OR6C75: variants seen among roughly 807,000 people sequenced by gnomAD.
The protein encoded by OR6C75 is olfactory receptor family 6 subfamily C member 75.
For missense variants in OR6C75, 380 were observed against 368.0 expected (o/e 1.03, Z -0.27); for synonymous variants, 149 against 130.6 (o/e 1.14, Z -0.96).
In OR6C75 at chr12:55,365,989, G is replaced by A. The variant is rs1190208318; in HGVS notation, c.879G>A (p.Lys293=). Residue 293 remains lysine, a synonymous_variant, in exon 3 of 3, where the codon AAG becomes AAA. Coordinates refer to ENST00000641576, the MANE Select transcript of OR6C75 (RefSeq NM_001005497.2). ...LNPFIYTLRN[K]QVKQAFKSMV... ...CCTTCATATACACACTGAGAAATAA[G>A]CAAGTGAAGCAAGCCTTCAAGAGCA... 2 of 1,609,024 alleles carry A rather than the reference G, an allele frequency of 1.2e-6. No individual in the cohort carries two copies. The highest frequency in any genetic ancestry group is 2.2e-5 in the East Asian group (1 of 44,794).
Position 55,366,075 on chromosome 12 carries a change from C to T in OR6C75, c.*26C>T. The T allele has an allele frequency of 1.4e-6, 2 of 1,407,944 alleles. No homozygotes were observed. Among genetic ancestry groups the T allele is most frequent in the African/African-American group, 1.4e-5 (1 of 69,578 alleles). 87.2% of individuals were successfully genotyped at this position (1,407,944 alleles called of 1,614,324 possible). A position where few individuals can be genotyped will look rare whatever the true frequency, so the allele number is the denominator to read the frequency against. ...ATGTGATTATGTAAAAAATGTACCC[C>T]CAAAGGCAAAGCTGAATGAAAAACT... On this transcript the variant is annotated 3_prime_UTR_variant, in exon 3 of 3. Transcript: ENST00000641576.
chr12:55,367,011 A>G lies in OR6C75; in HGVS notation c.*962A>G, dbSNP rs1273295564. On this transcript the variant is annotated 3_prime_UTR_variant, in exon 3 of 3. Coordinates refer to ENST00000641576, the MANE Select transcript of OR6C75 (RefSeq NM_001005497.2). ...GAAAATGACAAAGTAAGAGTCTACA[A>G]TGGTGTGATACTGCCCTTTTATAAG... 1.3e-5 allele frequency: 2 copies of G among 152,178 alleles called. No individual in the cohort carries two copies. The highest frequency in any genetic ancestry group is 2.4e-5 in the African/African-American group (1 of 41,460). The allele number at this position is 152,178 out of a possible 1,614,324, so 9.4% of individuals were successfully genotyped here.
rs111715614 is a variant in OR6C75, at chr12:55,365,905, G to T, written c.795G>T (p.Arg265Ser). 1 of 1,613,952 alleles carries T rather than the reference G, an allele frequency of 6.2e-7. No individual in the cohort carries two copies. The change falls in exon 3 of 3, where the codon AGG becomes AGT. Residue 265 changes from arginine to serine, a missense_variant. Coordinates refer to ENST00000641576, the MANE Select transcript of OR6C75 (RefSeq NM_001005497.2). The part of the protein sequence containing the change: ...FMYIKTSARE[R>S]VTLSKGVAVL... ...ACATTAAGACTTCTGCCAGAGAAAG[G>T]GTGACTTTAAGCAAAGGAGTAGCTG...
Position 55,365,730 on chromosome 12 carries a change from T to C in OR6C75, c.620T>C (p.Val207Ala), listed in dbSNP as rs151159720. The change falls in exon 3 of 3, where the codon GTC becomes GCC. Residue 207 changes from valine (V) to alanine (A), a missense_variant. By Grantham distance (64) the Val-to-Ala change is moderately conservative. Transcript: ENST00000641576. ...TTTTTAGCTGTGGTAACACTGATGGTCACCTTGACATTAGTTATTCTCTCC... is the reference window on the plus strand; with the variant it reads ...TTTTTAGCTGTGGTAACACTGATGGCCACCTTGACATTAGTTATTCTCTCC... ...AFFLAVVTLM[V>A]TLTLVILSYT... The C allele has an allele frequency of 4.9e-4, 786 of 1,614,100 alleles. 7 individuals carry two copies. Among genetic ancestry groups the C allele is most frequent in the African/African-American group, 7.2e-4 (54 of 75,056 alleles).
rs1448634053 is a variant in OR6C75, at chr12:55,366,031, T to G, written c.921T>G (p.Ile307Met). 6.4e-7 allele frequency: 1 copy of G among 1,565,042 alleles called. No individual in the cohort carries two copies. The highest frequency in any genetic ancestry group is 8.6e-7 in the Non-Finnish European group (1 of 1,158,608). Residue 307 changes from isoleucine to methionine, a missense_variant, in exon 3 of 3, where the codon ATT becomes ATG. Physicochemically the swap from Ile to Met is conservative, Grantham distance 10. Coordinates refer to ENST00000641576, the MANE Select transcript of OR6C75 (RefSeq NM_001005497.2). ...TCAAGAGCATGGTCCAGAAGATGAT[T>G]TTTTCTTTAAATAAATGAATGTGAT... Reference protein sequence around the residue: ...QAFKSMVQKMIFSLNK With the variant: ...QAFKSMVQKMMFSLNK
In OR6C75 at chr12:55,365,976, C is replaced by T; in HGVS notation, c.866C>T (p.Thr289Ile). 1.2e-6 allele frequency: 2 copies of T among 1,611,656 alleles called. No homozygotes were observed. Among genetic ancestry groups the T allele is most frequent in the Non-Finnish European group, 8.5e-7 (1 of 1,178,804 alleles). ...CCTCTCTTGAATCCCTTCATATACA[C>T]ACTGAGAAATAAGCAAGTGAAGCAA... is the stretch of plus-strand genomic sequence containing the variant. Reference protein sequence around the residue: ...VAPLLNPFIYTLRNKQVKQAF... With the variant: ...VAPLLNPFIYILRNKQVKQAF... Residue 289 changes from threonine to isoleucine, a missense_variant, in exon 3 of 3, where the codon ACA (threonine) becomes ATA (isoleucine). By Grantham distance (89) the Thr-to-Ile change is moderately conservative (BLOSUM62 -1). Transcript: ENST00000641576.
At chr12:55,364,549 A>G (rs60249205) in intron 2 of OR6C75, among the ~76,000 whole-genome samples, 32,644 of 140,660 alleles carry the variant, frequency 0.23, 3,720 homozygotes, top group East Asian at 0.52. Context: ...CTGGTCTCGA[A>G]CTCCTGACCT....
rs1869824931 is a variant in OR6C75, at chr12:55,367,219, T to A, written c.*1170T>A. On this transcript the variant is annotated 3_prime_UTR_variant, in exon 3 of 3. Coordinates refer to ENST00000641576, the MANE Select transcript of OR6C75 (RefSeq NM_001005497.2). Reference sequence around the variant, plus strand: ...AAAAAATGTGTTCAAGCCCACTTCCTATAGTTAATGAGTCCCTCAACTCCC... The same window carrying A: ...AAAAAATGTGTTCAAGCCCACTTCCAATAGTTAATGAGTCCCTCAACTCCC... The A allele has an allele frequency of 6.6e-6, 1 of 152,196 alleles. No homozygotes were observed. Among genetic ancestry groups the A allele is most frequent in the Non-Finnish European group, 1.5e-5 (1 of 68,022 alleles). The allele number at this position is 152,196 out of a possible 1,614,324, so 9.4% of individuals were successfully genotyped here.
rs1869764412 is a variant in OR6C75, at chr12:55,365,143, T to C, written c.33T>C (p.Ile11=). 1 of 1,612,416 alleles carries C rather than the reference T, an allele frequency of 6.2e-7. No homozygotes were observed. Residue 11 remains isoleucine (I), a synonymous_variant, in exon 3 of 3, where the codon ATT becomes ATC. Transcript: ENST00000641576. The part of the protein sequence containing the change: MRNSTAVTDF[I]LLGLTSDPQW... The stretch of plus-strand genomic sequence containing the variant: ...ATTCCACAGCAGTAACAGACTTTAT[T>C]CTTCTTGGATTGACAAGTGACCCAC...
rs1869871491 is a variant in OR6C75 at position 55,369,265 on chromosome 12, G to A, written c.*3216G>A. On this transcript the variant is annotated 3_prime_UTR_variant, in exon 3 of 3. Transcript: ENST00000641576. ...TAATGTTCAATAAATGTAAACCCAT[G>A]AAAATCACTATGAATCTTTCCTTAA... 6.6e-6 allele frequency: 1 copy of A among 151,570 alleles called. No individual in the cohort carries two copies. Among genetic ancestry groups the A allele is most frequent in the South Asian group, 2.1e-4 (1 of 4,822 alleles). 9.4% of individuals were successfully genotyped at this position (151,570 alleles called of 1,614,324 possible).
rs1343779184 is a variant in OR6C75, at chr12:55,366,004, C to A, written c.894C>A (p.Ala298=). 1.2e-6 allele frequency: 2 copies of A among 1,603,530 alleles called. No homozygotes were observed. Among genetic ancestry groups the A allele is most frequent in the African/African-American group, 2.7e-5 (2 of 74,370 alleles). ...YTLRNKQVKQ[A]FKSMVQKMIF... ...TGAGAAATAAGCAAGTGAAGCAAGC[C>A]TTCAAGAGCATGGTCCAGAAGATGA... The change falls in exon 3 of 3, where the codon GCC becomes GCA. Residue 298 remains alanine (A), a synonymous_variant. Coordinates refer to ENST00000641576, the MANE Select transcript of OR6C75 (RefSeq NM_001005497.2).
rs1869833700 is a variant in OR6C75, at chr12:55,367,609, C to T, written c.*1560C>T. 1.3e-5 allele frequency: 2 copies of T among 152,182 alleles called. No individual in the cohort carries two copies. The highest frequency in any genetic ancestry group is 2.9e-5 in the Non-Finnish European group (2 of 68,030). 9.4% of individuals were successfully genotyped at this position (152,182 alleles called of 1,614,324 possible). On this transcript the variant is annotated 3_prime_UTR_variant, in exon 3 of 3. Coordinates refer to ENST00000641576, the MANE Select transcript of OR6C75 (RefSeq NM_001005497.2). ...CTGGAACAAGACAAGGATGTCCCCTCTCAGCACTCCTATTCAACATAGTAC... is the reference window on the plus strand; with the variant it reads ...CTGGAACAAGACAAGGATGTCCCCTTTCAGCACTCCTATTCAACATAGTAC...
At position 55,366,255 on chromosome 12, in the gene OR6C75, A is replaced by T. The variant is rs1869803034; in HGVS notation, c.*206A>T. The T allele has an allele frequency of 2.4e-6, 1 of 418,898 alleles. No homozygotes were observed. Among genetic ancestry groups the T allele is most frequent in the Non-Finnish European group, 4.2e-6 (1 of 236,162 alleles). 25.9% of individuals were successfully genotyped at this position (418,898 alleles called of 1,614,324 possible). On this transcript the variant is annotated 3_prime_UTR_variant, in exon 3 of 3. Transcript: ENST00000641576. The stretch of plus-strand genomic sequence containing the variant: ...ATAGAAAGTGTTCGCTCTCTCACCT[A>T]TGTAACTAAATTTTAGGTAAATTAA...
chr12:55,365,592 T>C lies in OR6C75; in HGVS notation c.482T>C (p.Leu161Pro). Residue 161 changes from leucine to proline, a missense_variant, in exon 3 of 3, where the codon CTG (leucine) becomes CCG (proline). Physicochemically the swap from Leu to Pro is moderately conservative, Grantham distance 98. Coordinates refer to ENST00000641576, the MANE Select transcript of OR6C75 (RefSeq NM_001005497.2). ...FLIIFPPVML[L>P]LQLDFCASNV... is the part of the protein sequence containing the mutation. ...ATCATCTTTCCACCAGTAATGCTTCTGCTGCAGTTGGATTTCTGTGCCTCC... is the reference window on the plus strand; with the variant it reads ...ATCATCTTTCCACCAGTAATGCTTCCGCTGCAGTTGGATTTCTGTGCCTCC... The C allele has an allele frequency of 1.2e-6, 2 of 1,614,118 alleles. No individual in the cohort carries two copies. The highest frequency in any genetic ancestry group is 1.7e-6 in the Non-Finnish European group (2 of 1,180,026).
Position 55,369,116 on chromosome 12 carries a change from TGATA to T in OR6C75, c.*3080_*3083del, listed in dbSNP as rs58378652. On this transcript the variant is annotated 3_prime_UTR_variant, in exon 3 of 3. Coordinates refer to ENST00000641576, the MANE Select transcript of OR6C75 (RefSeq NM_001005497.2). ...AAGTATATATACATATACAACTACA[TGATA>T]GATAGATAGATAAAGAGAGATAGAG... 2.3e-4 allele frequency: 34 copies of T among 149,968 alleles called. No individual in the cohort carries two copies. The highest frequency in any genetic ancestry group is 2.7e-4 in the Admixed American group (4 of 15,052). 9.3% of individuals were successfully genotyped at this position (149,968 alleles called of 1,614,324 possible).
rs185186217 is a variant in OR6C75, at chr12:55,364,036, T to G, written c.-236+154T>G. On this transcript the variant is annotated intron_variant, in intron 2 of 2. Coordinates refer to ENST00000641576, the MANE Select transcript of OR6C75 (RefSeq NM_001005497.2). Reference sequence around the variant, plus strand: ...ATATATTGCCCAGGCTGGAGTGTAGTGGCACAATCTCAGCTCACTGCAACC... The same window carrying G: ...ATATATTGCCCAGGCTGGAGTGTAGGGGCACAATCTCAGCTCACTGCAACC... 4.2e-3 allele frequency among the ~76,000 whole-genome samples: 633 copies of G among 149,958 alleles called. 3 individuals carry two copies. Among genetic ancestry groups the G allele is most frequent in the Non-Finnish European group, 4.3e-3 (288 of 67,634 alleles).
chr12:55,365,558 G>C lies in OR6C75; in HGVS notation c.448G>C (p.Gly150Arg), dbSNP rs770999105. ...TCTTGTCTTTAGCTCCTGGCTTGCAGGGTTTCTGATCATCTTTCCACCAGT... is the reference window on the plus strand; with the variant it reads ...TCTTGTCTTTAGCTCCTGGCTTGCACGGTTTCTGATCATCTTTCCACCAGT... ...TLLVFSSWLA[G>R]FLIIFPPVML... is the part of the protein sequence containing the mutation. The change falls in exon 3 of 3, where the codon GGG becomes CGG. Residue 150 changes from glycine to arginine, a missense_variant. Physicochemically the swap from Gly to Arg is moderately radical, Grantham distance 125 (BLOSUM62 -2). Transcript: ENST00000641576. The C allele has an allele frequency of 3.6e-5, 58 of 1,613,842 alleles. 1 individual carries two copies. In the South Asian group the frequency reaches 6.4e-4, roughly 18 times the overall value.
In OR6C75 at chr12:55,366,205, C is replaced by A. The variant is rs1406462192; in HGVS notation, c.*156C>A. ...CTTCTTAATGAAATTAGCCTAAAAA[C>A]CAAGATTTAGCTCTTCTAAACTATA... On this transcript the variant is annotated 3_prime_UTR_variant, in exon 3 of 3. Transcript: ENST00000641576. 2 of 550,046 alleles carry A rather than the reference C, an allele frequency of 3.6e-6. No homozygotes were observed. Among genetic ancestry groups the A allele is most frequent in the African/African-American group, 1.9e-5 (1 of 52,262 alleles). The allele number at this position is 550,046 out of a possible 1,614,324, so 34.1% of individuals were successfully genotyped here. A position where few individuals can be genotyped will look rare whatever the true frequency, so the allele number is the denominator to read the frequency against.
rs72482251 is a variant in OR6C75 at position 55,365,216 on chromosome 12, A to G, written c.106A>G (p.Ser36Gly). Residue 36 changes from serine to glycine, a missense_variant, in exon 3 of 3, where the codon AGT becomes GGT. Physicochemically the swap from Ser to Gly is moderately conservative, Grantham distance 56. Transcript: ENST00000641576. Reference protein sequence around the residue: ...FIFLLVTYMLSVTGNLIIITL... With the variant: ...FIFLLVTYMLGVTGNLIIITL... Reference sequence around the variant, plus strand: ...ATTTCTTCTTGTTACCTACATGTTAAGTGTGACTGGGAACCTGATCATTAT... The same window carrying G: ...ATTTCTTCTTGTTACCTACATGTTAGGTGTGACTGGGAACCTGATCATTAT... 63 of 1,612,764 alleles carry G rather than the reference A, an allele frequency of 3.9e-5. No individual in the cohort carries two copies. In the East Asian group the frequency reaches 1.4e-3, roughly 35 times the overall value.
Sources: allele counts gnomAD v4.1 joint callset (sites outside exome capture counted in the v4.1 genomes callset), GRCh38; gene constraint gnomAD v4.1.1; transcripts MANE v1.5; gene names NCBI Gene and HGNC (gene_info 2026-07-23, HGNC 2026-07-21).